The following LRRC27 variants were observed in gnomAD, a reference collection of about 807,000 sequenced individuals.
LRRC27 encodes leucine-rich repeat-containing protein 27.
A neutral mutation model predicts 55.0 loss-of-function variants in LRRC27; 57 were observed. The ratio of observed to expected loss-of-function variants is 1.04; its 90% CI spans 0.84 to 1.29. The LOEUF (loss-of-function observed/expected upper bound fraction) is 1.29, where lower values mean the gene tolerates loss of function less well. LRRC27 is among the 50% of genes most tolerant of loss of function. The pLI is 0.00. For missense variants in LRRC27, 721 were observed against 651.5 expected (o/e 1.11, Z -1.16); for synonymous variants, 278 against 251.9 (o/e 1.10, Z -0.98).
chr10:132,381,229 ATCTC>A lies in LRRC27; in HGVS notation c.*5992_*5995del. Among the ~76,000 whole-genome samples the A allele has an allele frequency of 6.6e-6, 1 of 152,324 alleles. No homozygotes were observed. The highest frequency in any genetic ancestry group is 1.9e-4 in the East Asian group (1 of 5,180). On this transcript the variant is annotated 3_prime_UTR_variant, in exon 11 of 11. Coordinates refer to ENST00000368614, the MANE Select transcript of LRRC27 (RefSeq NM_030626.3). ...TGACTGGCTGAGTCTTCTGGCCTTC[ATCTC>A]TCTCCCATGCTGGATGCTTCCTGCC... is the stretch of plus-strand genomic sequence containing the variant.
chr10:132,379,809 G>GT lies in LRRC27; in HGVS notation c.*4567_*4568insT, dbSNP rs1266055155. On this transcript the variant is annotated 3_prime_UTR_variant, in exon 11 of 11. Transcript: ENST00000368614. ...CCTTGAACAAGAGTTTGAATTATAA[G>GT]GGTCCACTTATAAGTGGATTTTTAA... 3.3e-5 allele frequency: 5 copies of GT among 152,002 alleles called. No individual in the cohort carries two copies. Among genetic ancestry groups the GT allele is most frequent in the African/African-American group, 9.7e-5 (4 of 41,366 alleles). 9.4% of individuals were successfully genotyped at this position (152,002 alleles called of 1,614,324 possible). A position where few individuals can be genotyped will look rare whatever the true frequency, so the allele number is the denominator to read the frequency against.
intron 10 of LRRC27, among the ~76,000 whole-genome samples, chr10:132,367,949 T>C (rs2069133908): frequency 1.3e-5 from 2 of 152,234 alleles, no homozygotes; most frequent in South Asian, 4.1e-4. Flanking sequence ...CATGATTATG[T>C]AGGAAATCCC....
At chr10:132,352,463 C>T (rs112818531) in intron 7 of LRRC27, among the ~76,000 whole-genome samples, 10 of 54,240 alleles carry the variant, frequency 1.8e-4, no homozygotes, top group East Asian at 1.8e-3. Flanking sequence ...GTGGGGCAGG[C>T]GCTGAGGCCT....
Position 132,341,886 on chromosome 10 carries a change from C to T in LRRC27, c.342-327C>T, listed in dbSNP as rs757258905. On this transcript the variant is annotated intron_variant, in intron 3 of 10. Coordinates refer to ENST00000368614, the MANE Select transcript of LRRC27 (RefSeq NM_030626.3). ...ACCCCCAGGAGACTGTTGGCAATGT[C>T]TGGAGACATCTGTGGTTGTCACGCC... Among the ~76,000 whole-genome samples, 76 of 152,202 alleles carry T rather than the reference C, an allele frequency of 5.0e-4. 1 individual carries two copies. Among genetic ancestry groups the T allele is most frequent in the Non-Finnish European group, 7.3e-4 (50 of 68,032 alleles).
At chr10:132,349,172 A>C (rs1435679486) in intron 6 of LRRC27, 2 of 759,078 alleles carry the variant, frequency 2.6e-6, no homozygotes, top group Non-Finnish European at 4.5e-6. Context: ...TAGATCATGC[A>C]TTCTCAAGGG....
intron 4 of LRRC27, among the ~76,000 whole-genome samples, chr10:132,344,011 C>T (rs541622660): frequency 6.6e-6 from 1 of 152,298 alleles, no homozygotes; most frequent in South Asian, 2.1e-4. Context: ...ATTCTATTTT[C>T]TTCTAATTAA....
rs539254057 is a variant in LRRC27 at position 132,372,138 on chromosome 10, C to G, written c.1417-2928C>G. Reference sequence around the variant, plus strand: ...GGGGGTCGGGGTGCGGTGGCTCACGCCTGCAATCCCAGTTGAAAAGCACAG... The same window carrying G: ...GGGGGTCGGGGTGCGGTGGCTCACGGCTGCAATCCCAGTTGAAAAGCACAG... On this transcript the variant is annotated intron_variant, in intron 10 of 10. Coordinates refer to ENST00000368614, the MANE Select transcript of LRRC27 (RefSeq NM_030626.3). The surrounding 1 kb of genome is among the most constrained non-coding windows in gnomAD (Gnocchi z 4.0). Among the ~76,000 whole-genome samples, 1 of 151,608 alleles carries G rather than the reference C, an allele frequency of 6.6e-6. No individual in the cohort carries two copies. The highest frequency in any genetic ancestry group is 2.4e-5 in the African/African-American group (1 of 41,254).
In LRRC27 at chr10:132,344,480, T is replaced by A. The variant is rs2067577900; in HGVS notation, c.401-18T>A. The A allele has an allele frequency of 1.3e-6, 2 of 1,597,018 alleles. No homozygotes were observed. Among genetic ancestry groups the A allele is most frequent in the Non-Finnish European group, 1.7e-6 (2 of 1,167,498 alleles). ...ATGGTATATAGAATGCTGACAGTTT[T>A]TTTTTCCTCCACTGCAGGGAGCGTA... On this transcript the variant is annotated intron_variant, in intron 4 of 10. Coordinates refer to ENST00000368614, the MANE Select transcript of LRRC27 (RefSeq NM_030626.3).
In LRRC27 at chr10:132,375,161, T is replaced by A; in HGVS notation, c.1512T>A (p.Leu504=). 6.2e-7 allele frequency: 1 copy of A among 1,614,150 alleles called. No individual in the cohort carries two copies. Among genetic ancestry groups the A allele is most frequent in the East Asian group, 2.2e-5 (1 of 44,888 alleles). ...RRAALTGNLS[L]GLPAAQPQNT... is the part of the protein sequence containing the mutation. ...CGGCCCTCACTGGAAACCTTTCGCT[T>A]GGCCTGCCGGCAGCACAGCCTCAAA... Residue 504 remains leucine, a synonymous_variant, in exon 11 of 11, where the codon CTT becomes CTA. Coordinates refer to ENST00000368614, the MANE Select transcript of LRRC27 (RefSeq NM_030626.3).
At chr10:132,344,827 T>G in intron 5 of LRRC27, 177 bp downstream of exon 5, 1 of 552,338 alleles carries the variant, frequency 1.8e-6, no homozygotes, top group East Asian at 2.9e-5. Context: ...TCTCTGTGAC[T>G]TTTCCTTGGT....
At chr10:132,349,220 TG>T (rs2067883471) in intron 6 of LRRC27, among the ~76,000 whole-genome samples, 1 of 152,104 alleles carries the variant, frequency 6.6e-6, no homozygotes, top group South Asian at 2.1e-4. Context: ...AATGGCTTCC[TG>T]GGGGTGAAGA....
rs1564862109 is a variant in LRRC27 at position 132,375,072 on chromosome 10, G to A, written c.1423G>A (p.Glu475Lys). 6.2e-7 allele frequency: 1 copy of A among 1,612,204 alleles called. No homozygotes were observed. Among genetic ancestry groups the A allele is most frequent in the Non-Finnish European group, 8.5e-7 (1 of 1,179,018 alleles). The change falls in exon 11 of 11, where the codon GAG becomes AAG. Residue 475 changes from glutamate (E) to lysine (K), a missense_variant. Transcript: ENST00000368614. ...KAAEDLEIAT[E>K]LQDEVLKLKL... is the part of the protein sequence containing the mutation. ...CCTCCTTGTCTCCCATAAGGCCACA[G>A]AGCTACAGGATGAAGTATTGAAGCT...
chr10:132,358,405 C>T (rs1352288280), intron 8 of LRRC27, among the ~76,000 whole-genome samples: 1 of 16,540 alleles, frequency 6.0e-5, no homozygotes, highest in African/African-American at 5.6e-4. Flanking sequence ...GGGGAGGAGC[C>T]GAGGTGGTGG....
At chr10:132,350,352 T>C (rs2067945177) in intron 6 of LRRC27, 1 of 152,216 alleles carries the variant, frequency 6.6e-6, no homozygotes, top group African/African-American at 2.4e-5. Context: ...GGGCAGCTCC[T>C]CCATACCCCT....
chr10:132,361,575 G>C lies in LRRC27; in HGVS notation c.1289G>C (p.Ser430Thr), dbSNP rs2068616214. The C allele has an allele frequency of 6.2e-7, 1 of 1,607,902 alleles. No homozygotes were observed. Residue 430 changes from serine (S) to threonine (T), a missense_variant and splice_region_variant, in exon 9 of 11, where the codon AGT becomes ACT. Transcript: ENST00000368614. The part of the protein sequence containing the change: ...EKSPQASKEM[S>T]ALQERNLEEK... ...TCGCCACAAGCAAGTAAAGAAATGA[G>C]GTTGGTAACTGCAACTGGCACTCAG...
intron 9 of LRRC27, among the ~76,000 whole-genome samples, chr10:132,364,566 C>CACACTT (rs1564854092): frequency 1.0e-5 from 1 of 96,148 alleles, no homozygotes; most frequent in Non-Finnish European, 2.1e-5. Context: ...CACTTACACC[C>CACACTT]ACGTCCACAC....
chr10:132,361,442 G>C lies in LRRC27; in HGVS notation c.1171-15G>C, dbSNP rs748998023. The C allele has an allele frequency of 1.5e-5, 24 of 1,577,606 alleles. No homozygotes were observed. Among genetic ancestry groups the C allele is most frequent in the Non-Finnish European group, 2.0e-5 (23 of 1,147,068 alleles). On this transcript the variant is annotated splice_polypyrimidine_tract_variant and intron_variant, in intron 8 of 10. Coordinates refer to ENST00000368614, the MANE Select transcript of LRRC27 (RefSeq NM_030626.3). ...CTACTGGGATTCCAGAAATCATCTT[G>C]TTGCATTTTCCTAGGTGGCATCAAA...
chr10:132,365,941 G>A (rs186698624), intron 10 of LRRC27, among the ~76,000 whole-genome samples: 4 of 152,352 alleles, frequency 2.6e-5, no homozygotes, highest in Admixed American at 6.5e-5. Context: ...CAGAGCATGC[G>A]CTCTCTAAAA....
intron 5 of LRRC27, among the ~76,000 whole-genome samples, chr10:132,347,389 C>T (rs1264352972): frequency 9.9e-6 from 1 of 101,240 alleles, no homozygotes; most frequent in African/African-American, 3.9e-5. Context: ...GGTGGGGCCT[C>T]TGTGGGAAGG....
Sources: gnomAD v4.1 joint callset for allele counts (sites outside exome capture counted in the v4.1 genomes callset) on GRCh38, gnomAD v4.1.1 for gene constraint, Gnocchi (gnomAD v3.1) non-coding constraint, MANE v1.5 for transcripts, NCBI Gene and HGNC (gene_info 2026-07-23, HGNC 2026-07-21) for gene names.